CYP19A1: variants seen among roughly 807,000 people sequenced by gnomAD.
CYP19A1 encodes the protein cytochrome P450 family 19 subfamily A member 1.
Under a neutral mutation model 44.4 loss-of-function variants are expected in CYP19A1, and 32 were observed. The ratio of observed to expected loss-of-function variants is 0.72; its 90% CI spans 0.54 to 0.97. CYP19A1 has a LOEUF of 0.97. Ranked by LOEUF, CYP19A1 falls within the 50% of genes least tolerant of loss-of-function variation. CYP19A1 has a pLI of 0.00. For missense variants in CYP19A1, 598 were observed against 637.8 expected, an observed-to-expected ratio of 0.94 and a Z score of 0.67; for synonymous variants, 212 against 215.6, an observed-to-expected ratio of 0.98 and a Z score of 0.14.
At chr15:51,211,867 T>C (rs1026594394) in intron 9 of CYP19A1, among the ~76,000 whole-genome samples, 2 of 152,190 alleles carry the variant, frequency 1.3e-5, no homozygotes, top group African/African-American at 4.8e-5. Flanking sequence ...CATGGGGCCA[T>C]TTGATGAGCC....
At chr15:51,294,761 G>T (rs1157434449) in intron 1 of CYP19A1, among the ~76,000 whole-genome samples, 1 of 151,362 alleles carries the variant, frequency 6.6e-6, no homozygotes, top group Non-Finnish European at 1.5e-5. Context: ...CCTCTGCCCG[G>T]CTGCCCCTAC....
At chr15:51,253,411 A>G (rs2034400575) in intron 1 of CYP19A1, among the ~76,000 whole-genome samples, 1 of 152,192 alleles carries the variant, frequency 6.6e-6, no homozygotes, top group South Asian at 2.1e-4. Flanking sequence ...CTGTCTTGAG[A>G]ACATGGAGCA....
At chr15:51,249,921 A>T (rs1174301119) in intron 1 of CYP19A1, among the ~76,000 whole-genome samples, 2 of 152,150 alleles carry the variant, frequency 1.3e-5, no homozygotes, top group Non-Finnish European at 2.9e-5. Flanking sequence ...GGTTCCAGTT[A>T]TTCTTCCTAG....
Position 51,294,241 on chromosome 15 carries a change from C to G in CYP19A1, c.-39+44254G>C, listed in dbSNP as rs59089679. On this transcript the variant is annotated intron_variant, in intron 1 of 9. Coordinates refer to ENST00000396402, the MANE Select transcript of CYP19A1 (RefSeq NM_000103.4). Reference sequence around the variant, plus strand: ...CTAGGAAGTGACGAGCGCCTCTTCCCGGCCACCATCCCATCTAGGAAGTGA... The same window carrying G: ...CTAGGAAGTGACGAGCGCCTCTTCCGGGCCACCATCCCATCTAGGAAGTGA... Among the ~76,000 whole-genome samples, 2 of 135,790 alleles carry G rather than the reference C, an allele frequency of 1.5e-5. 1 individual carries two copies. 89.1% of individuals were successfully genotyped at this position (135,790 alleles called of 152,430 possible). A position where few individuals can be genotyped will look rare whatever the true frequency, so the allele number is the denominator to read the frequency against.
At chr15:51,211,084 G>C in intron 9 of CYP19A1, 28 bp from the exon 10 acceptor site, 1 of 1,481,210 alleles carries the variant, frequency 6.8e-7, no homozygotes, top group Non-Finnish European at 9.4e-7. Context: ...CAGTTAGCCA[G>C]AATATTAAAG....
chr15:51,296,367 G>A (rs2035994998), intron 1 of CYP19A1, among the ~76,000 whole-genome samples: 2 of 152,132 alleles, frequency 1.3e-5, no homozygotes, highest in Admixed American at 1.3e-4. Flanking sequence ...AGTCAAGGTG[G>A]CAGGTGGGGG....
chr15:51,264,938 C>T (rs1007139326), intron 1 of CYP19A1, among the ~76,000 whole-genome samples: 3 of 152,200 alleles, frequency 2.0e-5, no homozygotes, highest in African/African-American at 7.2e-5. Context: ...CTTCAAAGTG[C>T]ACAGATGTTA....
chr15:51,314,707 C>T (rs2036389237), intron 1 of CYP19A1, among the ~76,000 whole-genome samples: 1 of 152,210 alleles, frequency 6.6e-6, no homozygotes, highest in African/African-American at 2.4e-5. Context: ...AATTCTAACT[C>T]TTCTAGAAAG....
intron 1 of CYP19A1, among the ~76,000 whole-genome samples, chr15:51,302,038 C>T (rs2036124640): frequency 6.6e-6 from 1 of 152,134 alleles, no homozygotes; most frequent in South Asian, 2.1e-4. Flanking sequence ...TTAATCTCCC[C>T]CTTTATCACC....
chr15:51,210,552 A>G lies in CYP19A1; in HGVS notation c.*256T>C. 1 of 629,660 alleles carries G rather than the reference A, an allele frequency of 1.6e-6. No homozygotes were observed. Among genetic ancestry groups the G allele is most frequent in the African/African-American group, 1.8e-5 (1 of 56,098 alleles). 39.0% of individuals were successfully genotyped at this position (629,660 alleles called of 1,614,324 possible). A position where few individuals can be genotyped will look rare whatever the true frequency, so the allele number is the denominator to read the frequency against. On this transcript the variant is annotated 3_prime_UTR_variant, in exon 10 of 10. Transcript: ENST00000396402. Reference sequence around the variant, plus strand: ...ATTTGGTGGAATCGGGTCTTTATGGATACGGTTTCTTCACCGACTATTTCT... The same window carrying G: ...ATTTGGTGGAATCGGGTCTTTATGGGTACGGTTTCTTCACCGACTATTTCT...
At chr15:51,241,963 A>G (rs577603741) in intron 2 of CYP19A1, among the ~76,000 whole-genome samples, 1 of 152,216 alleles carries the variant, frequency 6.6e-6, no homozygotes, top group Non-Finnish European at 1.5e-5. Flanking sequence ...GGAATTGGGA[A>G]CAGATGTGTC....
intron 1 of CYP19A1, among the ~76,000 whole-genome samples, chr15:51,266,398 A>G (rs1048515793): frequency 6.6e-6 from 1 of 152,126 alleles, no homozygotes; most frequent in African/African-American, 2.4e-5. Context: ...CCCCCTAAAG[A>G]TGCGATTGCT....
At chr15:51,302,372 C>T (rs1202198329) in intron 1 of CYP19A1, among the ~76,000 whole-genome samples, 1 of 152,232 alleles carries the variant, frequency 6.6e-6, no homozygotes, top group African/African-American at 2.4e-5. Context: ...TCATTGGCTC[C>T]ACCTGCGAAT....
At chr15:51,285,197 G>A (rs1349954209) in intron 1 of CYP19A1, among the ~76,000 whole-genome samples, 1 of 152,172 alleles carries the variant, frequency 6.6e-6, no homozygotes. Flanking sequence ...CTAATAGTTA[G>A]GCAGGAGTAT....
At chr15:51,230,564 G>C (rs2032944846) in intron 3 of CYP19A1, among the ~76,000 whole-genome samples, 1 of 151,782 alleles carries the variant, frequency 6.6e-6, no homozygotes, top group African/African-American at 2.4e-5. Flanking sequence ...TCACACACTT[G>C]TGGGCAGATT....
chr15:51,330,965 A>G lies in CYP19A1; in HGVS notation c.-39+7530T>C, dbSNP rs115434204. ...AAGCTACATGGCCGTGACGTGGCGA[A>G]TGAATGAGGGATGAGGAAGCGCAGA... On this transcript the variant is annotated intron_variant, in intron 1 of 9. Coordinates refer to ENST00000396402, the MANE Select transcript of CYP19A1 (RefSeq NM_000103.4). Among the ~76,000 whole-genome samples the G allele has an allele frequency of 5.0e-3, 765 of 152,274 alleles. 8 individuals carry two copies. Among genetic ancestry groups the G allele is most frequent in the African/African-American group, 0.018 (737 of 41,560 alleles).
intron 1 of CYP19A1, among the ~76,000 whole-genome samples, chr15:51,334,824 G>C (rs2036752606): frequency 6.6e-6 from 1 of 152,198 alleles, no homozygotes; most frequent in African/African-American, 2.4e-5. Context: ...ATTAAAGCAT[G>C]CTTCAGCTGC....
intron 1 of CYP19A1, among the ~76,000 whole-genome samples, chr15:51,298,078 A>G (rs1191135894): frequency 9.9e-5 from 15 of 152,122 alleles, no homozygotes. Context: ...GCCCCTGGAT[A>G]TTGAATTAAC....
intron 1 of CYP19A1, among the ~76,000 whole-genome samples, chr15:51,274,014 C>T (rs2035218626): frequency 6.6e-6 from 1 of 151,980 alleles, no homozygotes; most frequent in Admixed American, 6.5e-5. Context: ...CACACACACA[C>T]ACACACACAC....
Sources: gnomAD v4.1 joint callset for allele counts (sites outside exome capture counted in the v4.1 genomes callset) on GRCh38, gnomAD v4.1.1 for gene constraint, MANE v1.5 for transcripts, NCBI Gene and HGNC (gene_info 2026-07-23, HGNC 2026-07-21) for gene names.